The following CXCL10 variants were observed in gnomAD, a reference collection of about 807,000 sequenced individuals.
CXCL10 encodes C-X-C motif chemokine 10.
CXCL10 carries 6 observed loss-of-function variants against 10.8 expected under a neutral mutation model. That is an observed-to-expected ratio of 0.55 (90% CI 0.30 to 1.09). CXCL10 has a LOEUF of 1.09. CXCL10 is among the 50% of genes least tolerant of loss of function. The probability of loss-of-function intolerance (pLI) is 0.06; values close to 1 mark genes in which losing one functional copy is unlikely to be tolerated. For missense variants in CXCL10, 114 were observed against 114.3 expected, an observed-to-expected ratio of 1.00 and a Z score of 0.01; for synonymous variants, 35 against 35.8, an observed-to-expected ratio of 0.98 and a Z score of 0.08.
Position 76,022,748 on chromosome 4 carries a change from GACC to G in CXCL10, c.128_130del (p.Arg43_Ser44delinsThr). On this transcript the variant is annotated inframe_deletion, in exon 2 of 4. Coordinates refer to ENST00000306602, the MANE Select transcript of CXCL10 (RefSeq NM_001565.4). ...AGGAATAATTTCAAGTTTTTCTAAA[GACC>G]TTGGATTAACAGGTTGATTACTAAT... 6.2e-7 allele frequency: 1 copy of G among 1,613,688 alleles called. No individual in the cohort carries two copies. Among genetic ancestry groups the G allele is most frequent in the South Asian group, 1.1e-5 (1 of 91,078 alleles).
intron 3 of CXCL10, 136 bp downstream of exon 3, chr4:76,022,230 T>A (rs1347184765): frequency 1.9e-5 from 14 of 729,522 alleles, no homozygotes; most frequent in Non-Finnish European, 3.1e-5. Context: ...TTTAAATAAA[T>A]GGAGGTAGGG....
Position 76,021,708 on chromosome 4 carries a change from A to G in CXCL10, c.*222T>C, listed in dbSNP as rs1490453146. ...TCAGTAGAGCTTACATTATAGTGCC[A>G]GGGTAGAGTTATTACTGAATAGCTT... On this transcript the variant is annotated 3_prime_UTR_variant, in exon 4 of 4. Coordinates refer to ENST00000306602, the MANE Select transcript of CXCL10 (RefSeq NM_001565.4). 8 of 562,486 alleles carry G rather than the reference A, an allele frequency of 1.4e-5. No individual in the cohort carries two copies. The South Asian group carries it at 1.7e-4, about 12-fold the overall frequency. 34.8% of individuals were successfully genotyped at this position (562,486 alleles called of 1,614,324 possible).
Position 76,021,548 on chromosome 4 carries a change from A to G in CXCL10, c.*382T>C, listed in dbSNP as rs1021353261. On this transcript the variant is annotated 3_prime_UTR_variant, in exon 4 of 4. Transcript: ENST00000306602. ...CTTTAAAAAGCAGATTTGATTGCAT[A>G]CCTTTTAGTTATTTGAGATTCTGAG... The G allele has an allele frequency of 1.5e-5, 3 of 198,856 alleles. No individual in the cohort carries two copies. The highest frequency in any genetic ancestry group is 6.9e-5 in the African/African-American group (3 of 43,246). The allele number at this position is 198,856 out of a possible 1,614,324, so 12.3% of individuals were successfully genotyped here. A position where few individuals can be genotyped will look rare whatever the true frequency, so the allele number is the denominator to read the frequency against.
rs897559459 is a variant in CXCL10 at position 76,022,718 on chromosome 4, C to T, written c.161G>A (p.Ser54Asn). Residue 54 changes from serine to asparagine, a missense_variant, in exon 2 of 4, where the codon AGC becomes AAC. By Grantham distance (46) the Ser-to-Asn change is conservative. Transcript: ENST00000306602. ...SLEKLEIIPA[S>N]QFCPRVEIIA... Reference sequence around the variant, plus strand: ...GATCTCAACACGTGGACAAAATTGGCTTGCAGGAATAATTTCAAGTTTTTC... The same window carrying T: ...GATCTCAACACGTGGACAAAATTGGTTTGCAGGAATAATTTCAAGTTTTTC... 3 of 1,613,754 alleles carry T rather than the reference C, an allele frequency of 1.9e-6. No homozygotes were observed. The highest frequency in any genetic ancestry group is 2.5e-6 in the Non-Finnish European group (3 of 1,179,866).
In CXCL10 at chr4:76,021,371, G is replaced by T. The variant is rs1236689377; in HGVS notation, c.*559C>A. 2 of 152,932 alleles carry T rather than the reference G, an allele frequency of 1.3e-5. No homozygotes were observed. The highest frequency in any genetic ancestry group is 2.9e-5 in the Non-Finnish European group (2 of 68,660). The allele number at this position is 152,932 out of a possible 1,614,324, so 9.5% of individuals were successfully genotyped here. On this transcript the variant is annotated 3_prime_UTR_variant, in exon 4 of 4. Coordinates refer to ENST00000306602, the MANE Select transcript of CXCL10 (RefSeq NM_001565.4). ...TATATACATCTAAGACTTCTACTTTGTACAGTCTTTCATTAAATAAGAATA... is the reference window on the plus strand; with the variant it reads ...TATATACATCTAAGACTTCTACTTTTTACAGTCTTTCATTAAATAAGAATA...
intron 1 of CXCL10, among the ~76,000 whole-genome samples, chr4:76,023,055 T>C (rs1276112048): frequency 6.6e-6 from 1 of 152,214 alleles, no homozygotes; most frequent in East Asian, 1.9e-4. Flanking sequence ...GTTCATGTGG[T>C]TCATTGAGCT....
chr4:76,022,511 G>T, intron 2 of CXCL10, 56 bp from the exon 3 acceptor site: 1 of 1,543,016 alleles, frequency 6.5e-7, no homozygotes, highest in Non-Finnish European at 8.9e-7. Flanking sequence ...CAATAAAACA[G>T]ATGGCATACG....
intron 1 of CXCL10, 95 bp downstream of exon 1, chr4:76,023,276 G>T: frequency 1.0e-6 from 1 of 983,142 alleles, no homozygotes; most frequent in Non-Finnish European, 1.6e-6. Flanking sequence ...AGCATGCAGT[G>T]AAACTTTTAC....
chr4:76,021,711 G>A lies in CXCL10; in HGVS notation c.*219C>T, dbSNP rs1220565411. ...GTAGAGCTTACATTATAGTGCCAGG[G>A]TAGAGTTATTACTGAATAGCTTAGG... On this transcript the variant is annotated 3_prime_UTR_variant, in exon 4 of 4. Transcript: ENST00000306602. 1.0e-5 allele frequency: 6 copies of A among 574,844 alleles called. No homozygotes were observed. Among genetic ancestry groups the A allele is most frequent in the South Asian group, 2.3e-5 (1 of 43,542 alleles). The allele number at this position is 574,844 out of a possible 1,614,324, so 35.6% of individuals were successfully genotyped here.
chr4:76,023,474 G>A lies in CXCL10; in HGVS notation c.-43C>T, dbSNP rs1312017694. ...TTCCTCTGCTGTAGGCTCAGAATAT[G>A]TCTAAGCAATTGAGGAATGTCTCAG... On this transcript the variant is annotated 5_prime_UTR_variant, in exon 1 of 4. Transcript: ENST00000306602. 6.4e-7 allele frequency: 1 copy of A among 1,555,280 alleles called. No homozygotes were observed. Among genetic ancestry groups the A allele is most frequent in the South Asian group, 1.1e-5 (1 of 89,802 alleles).
chr4:76,023,384 TAGAGTC>T lies in CXCL10; in HGVS notation c.42_47del (p.Thr15_Leu16del). On this transcript the variant is annotated inframe_deletion, in exon 1 of 4. Coordinates refer to ENST00000306602, the MANE Select transcript of CXCL10 (RefSeq NM_001565.4). Reference sequence around the variant, plus strand: ...GATGTTCCTTACCTTGAATGCCACTTAGAGTCAGAAAGATAAGGCAGCAAATCAGAA... The same window carrying T: ...GATGTTCCTTACCTTGAATGCCACTTAGAAAGATAAGGCAGCAAATCAGAA... 1 of 1,613,590 alleles carries T rather than the reference TAGAGTC, an allele frequency of 6.2e-7. No homozygotes were observed. The highest frequency in any genetic ancestry group is 8.5e-7 in the Non-Finnish European group (1 of 1,179,524).
In CXCL10 at chr4:76,022,352, A is replaced by T. The variant is rs371479176; in HGVS notation, c.278+14T>A. 2.9e-5 allele frequency: 46 copies of T among 1,608,418 alleles called. No individual in the cohort carries two copies. The African/African-American group carries it at 5.3e-4, about 19-fold the overall frequency. On this transcript the variant is annotated intron_variant, in intron 3 of 3. Coordinates refer to ENST00000306602, the MANE Select transcript of CXCL10 (RefSeq NM_001565.4). ...CCTAAAGAGCAATTCTTCTGCAGGC[A>T]ACAGCAAACCTACCTTTCCTTGCTA...
intron 1 of CXCL10, 21 bp from the exon 2 acceptor site, chr4:76,022,838 C>A: frequency 6.2e-7 from 1 of 1,602,644 alleles, no homozygotes; most frequent in Non-Finnish European, 8.5e-7. Flanking sequence ...AGAGGAACAG[C>A]AGAGAAGGTT....
At position 76,023,428 on chromosome 4, in the gene CXCL10, T is replaced by G; in HGVS notation, c.4A>C (p.Asn2His). ...CAGCAAATCAGAATGGCAGTTTGAT[T>G]CATGGTGCTGAGACTGGAGGTTCCT... The part of the protein sequence containing the change: M[N>H]QTAILICCLI... Residue 2 changes from asparagine to histidine, a missense_variant, in exon 1 of 4, where the codon AAT becomes CAT. Asn to His is a moderately conservative substitution (Grantham distance 68). Transcript: ENST00000306602. 6.2e-7 allele frequency: 1 copy of G among 1,613,916 alleles called. No homozygotes were observed. The highest frequency in any genetic ancestry group is 8.5e-7 in the Non-Finnish European group (1 of 1,179,790).
chr4:76,023,191 A>G (rs986701127), intron 1 of CXCL10, among the ~76,000 whole-genome samples, 180 bp downstream of exon 1: 2 of 150,682 alleles, frequency 1.3e-5, no homozygotes, highest in Admixed American at 1.3e-4. Context: ...CTCTTATTCT[A>G]TTTGTTTCTC....
At chr4:76,022,608 G>A in intron 2 of CXCL10, 83 bp downstream of exon 2, 3 of 1,448,358 alleles carry the variant, frequency 2.1e-6, no homozygotes, top group Non-Finnish European at 2.8e-6. Flanking sequence ...ACCCTTTACT[G>A]ATCTTTTTTT....
chr4:76,022,050 C>T (rs1158172195), intron 3 of CXCL10, 102 bp from the exon 4 acceptor site: 11 of 1,113,008 alleles, frequency 9.9e-6, no homozygotes, highest in African/African-American at 1.6e-5. Flanking sequence ...GATAACTGAG[C>T]TTTCCTGCTG....
At chr4:76,022,661 G>C in intron 2 of CXCL10, 30 bp downstream of exon 2, 9 of 1,607,654 alleles carry the variant, frequency 5.6e-6, no homozygotes, top group Non-Finnish European at 7.7e-6. Context: ...TACAACCAGG[G>C]AAGTGATAAT....
chr4:76,022,036 A>G, intron 3 of CXCL10, 88 bp from the exon 4 acceptor site: 1 of 1,230,164 alleles, frequency 8.1e-7, no homozygotes, highest in Non-Finnish European at 1.2e-6. Context: ...GAGTTCATAG[A>G]ATAGATAACT....
Sources: gnomAD v4.1 joint callset for allele counts (sites outside exome capture counted in the v4.1 genomes callset) on GRCh38, gnomAD v4.1.1 for gene constraint, MANE v1.5 for transcripts, NCBI Gene and HGNC (gene_info 2026-07-23, HGNC 2026-07-21) for gene names.